Variants in CORO2B observed in about 807,000 individuals in gnomAD.
The protein encoded by CORO2B is coronin 2B.
In CORO2B, 26 loss-of-function variants were observed where a neutral mutation model predicts 58.8. That is an observed-to-expected ratio of 0.44 (90% CI 0.32 to 0.61). The LOEUF (loss-of-function observed/expected upper bound fraction) is 0.61, where lower values mean the gene tolerates loss of function less well. Ranked by LOEUF, CORO2B falls within the 20% of genes least tolerant of loss-of-function variation. The probability of loss-of-function intolerance (pLI) is 0.04; values close to 1 mark genes in which losing one functional copy is unlikely to be tolerated. For synonymous variants in CORO2B, 242 were observed against 253.8 expected (o/e 0.95, Z 0.44); for missense variants, 460 against 645.1 (o/e 0.71, Z 3.11).
chr15:68,601,116 CAGGT>C (rs1269313628), intron 1 of CORO2B, among the ~76,000 whole-genome samples: 2 of 152,154 alleles, frequency 1.3e-5, no homozygotes, highest in Non-Finnish European at 2.9e-5. Flanking sequence ...GAATGGTTGA[CAGGT>C]AGAGGTAGCC....
intron 2 of CORO2B, among the ~76,000 whole-genome samples, chr15:68,663,822 T>C (rs1231192382): frequency 6.6e-6 from 1 of 152,210 alleles, no homozygotes; most frequent in African/African-American, 2.4e-5. Context: ...CCCAGAGTAG[T>C]TTCAATTAGC....
intron 1 of CORO2B, chr15:68,641,481 G>A (rs944639090): frequency 1.0e-6 from 1 of 959,424 alleles, no homozygotes; most frequent in African/African-American, 1.8e-5. Context: ...GAAGCAGAAG[G>A]AGCAGGGAAA....
intron 1 of CORO2B, among the ~76,000 whole-genome samples, chr15:68,596,726 T>G (rs1477039863): frequency 1.3e-5 from 2 of 152,170 alleles, no homozygotes; most frequent in Non-Finnish European, 2.9e-5. Flanking sequence ...TCTTCAGGCC[T>G]TGGGGATGGT....
chr15:68,683,141 G>A (rs766473650), intron 2 of CORO2B, among the ~76,000 whole-genome samples: 12 of 152,188 alleles, frequency 7.9e-5, no homozygotes, highest in Non-Finnish European at 1.8e-4. Context: ...TGACCTTGAC[G>A]GAGCTCCACC....
chr15:68,702,821 C>CTTTTTTT lies in CORO2B; in HGVS notation c.333+7582_333+7588dup, dbSNP rs113249272. ...ACCATATCTTTTTCTTTTTCTTTTTCTTTTTTTTTTTTTTTTTTTTTTTGA... is the reference window on the plus strand; with the variant it reads ...ACCATATCTTTTTCTTTTTCTTTTTCTTTTTTTTTTTTTTTTTTTTTTTTTTTTTTGA... On this transcript the variant is annotated intron_variant, in intron 3 of 11. Coordinates refer to ENST00000261861, the MANE Select transcript of CORO2B (RefSeq NM_006091.5). Among the ~76,000 whole-genome samples, 349 of 96,230 alleles carry CTTTTTTT rather than the reference C, an allele frequency of 3.6e-3. 2 individuals are homozygous for CTTTTTTT. The highest frequency in any genetic ancestry group is 6.0e-3 in the African/African-American group (133 of 22,158). 63.1% of individuals were successfully genotyped at this position (96,230 alleles called of 152,430 possible).
At chr15:68,708,387 G>A (rs540921329) in intron 3 of CORO2B, among the ~76,000 whole-genome samples, 1 of 130,064 alleles carries the variant, frequency 7.7e-6, no homozygotes, top group African/African-American at 2.9e-5. Flanking sequence ...TTGAGATGGA[G>A]TCTTGCTCTG....
chr15:68,568,559 T>C, the CORO2B span, among the ~76,000 whole-genome samples: 1 of 152,218 alleles, frequency 6.6e-6, no homozygotes, highest in Admixed American at 6.5e-5. Flanking sequence ...ACTGTAGATT[T>C]CTGGGACATC....
At position 68,598,687 on chromosome 15, in the gene CORO2B, C is replaced by T. The variant is rs1233984238; in HGVS notation, c.15+19410C>T. On this transcript the variant is annotated intron_variant, in intron 1 of 11. Coordinates refer to ENST00000261861, the MANE Select transcript of CORO2B (RefSeq NM_006091.5). Reference sequence around the variant, plus strand: ...CCTCACTTTGGAGTTTTAATTCTACCGCAAACCTAGCTCTCCTCTGTGCCT... The same window carrying T: ...CCTCACTTTGGAGTTTTAATTCTACTGCAAACCTAGCTCTCCTCTGTGCCT... Among the ~76,000 whole-genome samples, 3 of 152,194 alleles carry T rather than the reference C, an allele frequency of 2.0e-5. No homozygotes were observed. In the South Asian group the frequency reaches 6.2e-4, roughly 31 times the overall value.
intron 2 of CORO2B, among the ~76,000 whole-genome samples, chr15:68,651,045 G>T (rs1901624720): frequency 6.6e-6 from 1 of 152,182 alleles, no homozygotes; most frequent in Non-Finnish European, 1.5e-5. Context: ...CAGAACTGCA[G>T]GACCCATAGT....
intron 2 of CORO2B, among the ~76,000 whole-genome samples, chr15:68,681,504 G>T: frequency 6.6e-6 from 1 of 152,158 alleles, no homozygotes; most frequent in Middle Eastern, 3.2e-3. Context: ...CTGGGAAAAG[G>T]TGGTCATCCA....
chr15:68,670,069 G>A (rs9972587), intron 2 of CORO2B, among the ~76,000 whole-genome samples: 11 of 117,996 alleles, frequency 9.3e-5, no homozygotes, highest in Admixed American at 2.7e-4. Flanking sequence ...AAAAAAAAAA[G>A]GGGGGGAAAA....
At chr15:68,545,171 G>A in the CORO2B span, among the ~76,000 whole-genome samples, 6 of 152,154 alleles carry the variant, frequency 3.9e-5, no homozygotes, top group African/African-American at 9.7e-5. Flanking sequence ...AGTGACACAC[G>A]CTGGAGGAAA....
Position 68,636,650 on chromosome 15 carries a change from A to G in CORO2B, c.16-8510A>G, listed in dbSNP as rs2140265229. On this transcript the variant is annotated intron_variant, in intron 1 of 11. Transcript: ENST00000261861. ...AACTGTCCTGGAACCCAAGAATTCC[A>G]TGTTTGTCAGAGATGCAGAGAAAGA... Among the ~76,000 whole-genome samples the G allele has an allele frequency of 1.3e-5, 2 of 152,352 alleles. 1 individual carries two copies. Among genetic ancestry groups the G allele is most frequent in the South Asian group, 4.1e-4 (2 of 4,832 alleles).
chr15:68,636,009 G>T (rs1364342622), intron 1 of CORO2B, among the ~76,000 whole-genome samples: 1 of 152,212 alleles, frequency 6.6e-6, no homozygotes, highest in Non-Finnish European at 1.5e-5. Context: ...AGAGACCTCG[G>T]TGACAGCTCT....
At position 68,721,702 on chromosome 15, in the gene CORO2B, T is replaced by C. The variant is rs1339389655; in HGVS notation, c.1311+2150T>C. Among the ~76,000 whole-genome samples the C allele has an allele frequency of 2.6e-5, 4 of 151,784 alleles. No individual in the cohort carries two copies. In the Admixed American group the frequency reaches 2.6e-4, roughly 10 times the overall value. On this transcript the variant is annotated intron_variant, in intron 11 of 11. Coordinates refer to ENST00000261861, the MANE Select transcript of CORO2B (RefSeq NM_006091.5). ...GTGCTATACTTTCTATTAATATAGATATATAACATTTTTCATTTAAAAAAT... is the reference window on the plus strand; with the variant it reads ...GTGCTATACTTTCTATTAATATAGACATATAACATTTTTCATTTAAAAAAT...
rs145446776 is a variant in CORO2B, at chr15:68,707,802, T to C, written c.334-2930T>C. ...AAGGAATGTGGTGACTACTGAGTTATGTACTCGCCAGCTTGTTCCCCCTGC... is the reference window on the plus strand; with the variant it reads ...AAGGAATGTGGTGACTACTGAGTTACGTACTCGCCAGCTTGTTCCCCCTGC... On this transcript the variant is annotated intron_variant, in intron 3 of 11. Coordinates refer to ENST00000261861, the MANE Select transcript of CORO2B (RefSeq NM_006091.5). Among the ~76,000 whole-genome samples the C allele has an allele frequency of 4.4e-3, 668 of 152,302 alleles. 21 individuals carry two copies. Among genetic ancestry groups the C allele is most frequent in the Admixed American group, 0.039 (595 of 15,308 alleles).
rs938664270 is a variant in CORO2B at position 68,634,145 on chromosome 15, G to C, written c.16-11015G>C. ...AAGAAGCCGGAGGCCATGAAGGAGGGGGTGAGGAGTAGGACCTGCTGTGGA... is the reference window on the plus strand; with the variant it reads ...AAGAAGCCGGAGGCCATGAAGGAGGCGGTGAGGAGTAGGACCTGCTGTGGA... On this transcript the variant is annotated intron_variant, in intron 1 of 11. Coordinates refer to ENST00000261861, the MANE Select transcript of CORO2B (RefSeq NM_006091.5). 2.0e-5 allele frequency among the ~76,000 whole-genome samples: 3 copies of C among 152,214 alleles called. 1 individual carries two copies. Among genetic ancestry groups the C allele is most frequent in the Non-Finnish European group, 4.4e-5 (3 of 68,042 alleles).
chr15:68,628,282 G>T (rs752634751), intron 1 of CORO2B, among the ~76,000 whole-genome samples: 12 of 152,200 alleles, frequency 7.9e-5, no homozygotes, highest in Admixed American at 3.3e-4. Context: ...GGAGTGGAAG[G>T]CCTGGGTTTG....
At chr15:68,572,342 AC>A in the CORO2B span, among the ~76,000 whole-genome samples, 11 of 152,122 alleles carry the variant, frequency 7.2e-5, no homozygotes, top group African/African-American at 2.7e-4. Flanking sequence ...GTTTCACGTT[AC>A]CTGCCGCTTG....
Sources: allele counts gnomAD v4.1 joint callset (sites outside exome capture counted in the v4.1 genomes callset), GRCh38; gene constraint gnomAD v4.1.1; transcripts MANE v1.5; gene names NCBI Gene and HGNC (gene_info 2026-07-23, HGNC 2026-07-21).